Variants in LAMA1 observed in about 807,000 individuals in gnomAD.
LAMA1 encodes laminin subunit alpha-1.
Under a neutral mutation model 348.7 loss-of-function variants are expected in LAMA1, and 219 were observed. The ratio of observed to expected loss-of-function variants is 0.63; its 90% CI spans 0.56 to 0.70. The LOEUF is 0.70. LAMA1 is among the 30% of genes least tolerant of loss of function. LAMA1 has a pLI of 0.00. For synonymous variants in LAMA1, 1,487 were observed against 1,491.0 expected, an observed-to-expected ratio of 1.00 and a Z score of 0.06; for missense variants, 3,744 against 3,888.0, an observed-to-expected ratio of 0.96 and a Z score of 0.99.
intron 16 of LAMA1, among the ~76,000 whole-genome samples, chr18:7,026,909 G>A (rs1358749262): frequency 2.0e-5 from 3 of 151,872 alleles, no homozygotes; most frequent in African/African-American, 7.3e-5. Flanking sequence ...AGGCAGAATG[G>A]CGTGAACCTG....
chr18:7,055,939 G>A (rs894460190), intron 3 of LAMA1, among the ~76,000 whole-genome samples: 1 of 152,068 alleles, frequency 6.6e-6, no homozygotes, highest in African/African-American at 2.4e-5. Context: ...AATTAGCTGG[G>A]CGTGGTGGCG....
In LAMA1 at chr18:6,979,894, G is replaced by A. The variant is rs754512497; in HGVS notation, c.6007+627C>T. Among the ~76,000 whole-genome samples, 32 of 152,262 alleles carry A rather than the reference G, an allele frequency of 2.1e-4. No homozygotes were observed. The Middle Eastern group carries it at 0.014, about 65-fold the overall frequency. The stretch of plus-strand genomic sequence containing the variant: ...AGCCTGGGCGACAGAGCGAGACTCT[G>A]TCTCAAAAAATGTGTGCTGCTAGCC... On this transcript the variant is annotated intron_variant, in intron 42 of 62. Transcript: ENST00000389658.
chr18:7,040,263 C>G, intron 9 of LAMA1, 27 bp from the exon 10 acceptor site: 1 of 1,613,164 alleles, frequency 6.2e-7, no homozygotes, highest in Non-Finnish European at 8.5e-7. Context: ...GGCAATGACC[C>G]AACATGAAGG....
At position 6,983,297 on chromosome 18, in the gene LAMA1, C is replaced by T. The variant is rs2057720509; in HGVS notation, c.5661-63G>A. ...TAAATCAAACTTGCCAATTCACTCA[C>T]AAAAATCATAAATGCCTACCAGTTT... On this transcript the variant is annotated intron_variant, in intron 39 of 62. Coordinates refer to ENST00000389658, the MANE Select transcript of LAMA1 (RefSeq NM_005559.4). 3.2e-6 allele frequency: 5 copies of T among 1,571,628 alleles called. No individual in the cohort carries two copies. In the Admixed American group the frequency reaches 6.7e-5, roughly 21 times the overall value.
intron 24 of LAMA1, 96 bp downstream of exon 24, chr18:7,011,899 A>G (rs2057862063): frequency 4.8e-6 from 7 of 1,467,072 alleles, no homozygotes; most frequent in Non-Finnish European, 6.5e-6. Flanking sequence ...CATAAGAGCA[A>G]AATTTAATGT....
chr18:7,004,931 C>T (rs1363077092), intron 29 of LAMA1, among the ~76,000 whole-genome samples: 5 of 152,138 alleles, frequency 3.3e-5, no homozygotes, highest in East Asian at 3.9e-4. Flanking sequence ...TAGTCAATGC[C>T]GTGAGGCAGC....
chr18:7,019,697 T>TTTTC (rs2057906824), intron 19 of LAMA1, among the ~76,000 whole-genome samples: 1 of 139,750 alleles, frequency 7.2e-6, no homozygotes, highest in East Asian at 2.0e-4. Context: ...TTTTTTTTTT[T>TTTTC]TTGAGACAGG....
intron 3 of LAMA1, among the ~76,000 whole-genome samples, chr18:7,075,253 AG>A (rs1162413692): frequency 1.3e-5 from 2 of 152,010 alleles, no homozygotes; most frequent in Non-Finnish European, 2.9e-5. Flanking sequence ...AGCAGCCAAA[AG>A]GTTTGTTCCT....
chr18:7,010,149 T>C (rs537500837), intron 26 of LAMA1, 51 bp downstream of exon 26: 7 of 1,596,850 alleles, frequency 4.4e-6, no homozygotes, highest in South Asian at 1.1e-5. Context: ...ACTACATCCA[T>C]AGCAAAGTCA....
Position 6,985,697 on chromosome 18 carries a change from A to T in LAMA1, c.5380-54T>A, listed in dbSNP as rs141754956. ...CTTCATAAAAGCAACCCTGCTTCTGACCTTTGGTGCCTAATGCTACGTGCA... is the reference window on the plus strand; with the variant it reads ...CTTCATAAAAGCAACCCTGCTTCTGTCCTTTGGTGCCTAATGCTACGTGCA... On this transcript the variant is annotated intron_variant, in intron 37 of 62. Transcript: ENST00000389658. 1.4e-4 allele frequency: 156 copies of T among 1,097,218 alleles called. 2 individuals are homozygous for T. The East Asian group carries it at 3.6e-3, about 25-fold the overall frequency. 68.0% of individuals were successfully genotyped at this position (1,097,218 alleles called of 1,614,324 possible).
intron 48 of LAMA1, among the ~76,000 whole-genome samples, chr18:6,968,515 C>T (rs748599325): frequency 3.3e-5 from 5 of 152,142 alleles, no homozygotes; most frequent in Non-Finnish European, 5.9e-5. Context: ...TGGACATGGC[C>T]GGTACCTAGC....
Position 6,992,640 on chromosome 18 carries a change from G to C in LAMA1, c.5089C>G (p.Gln1697Glu), listed in dbSNP as rs2057763891. Residue 1697 changes from glutamine (Q) to glutamate (E), a missense_variant, in exon 36 of 63, where the codon CAG (glutamine) becomes GAG (glutamate). Coordinates refer to ENST00000389658, the MANE Select transcript of LAMA1 (RefSeq NM_005559.4). Reference sequence around the variant, plus strand: ...ATTTCTAGCAAAGATGTACCATTCTGTTGCATGTTCTGAAGAGTAGAATTG... The same window carrying C: ...ATTTCTAGCAAAGATGTACCATTCTCTTGCATGTTCTGAAGAGTAGAATTG... Reference protein sequence around the residue: ...LPNSTLQNMQQNGTSLLEIMQ... With the variant: ...LPNSTLQNMQENGTSLLEIMQ... 2 of 1,613,530 alleles carry C rather than the reference G, an allele frequency of 1.2e-6. No homozygotes were observed. The highest frequency in any genetic ancestry group is 2.7e-5 in the African/African-American group (2 of 74,928).
At position 7,026,151 on chromosome 18, in the gene LAMA1, A is replaced by G. The variant is rs114504378; in HGVS notation, c.2275-45T>C. 2,903 of 1,596,428 alleles carry G rather than the reference A, an allele frequency of 1.8e-3. 45 individuals carry two copies. In the African/African-American group the frequency reaches 0.033, roughly 18 times the overall value. On this transcript the variant is annotated intron_variant, in intron 16 of 62. Transcript: ENST00000389658. ...GAATCAGCTCAGGTTGTCTTAAAGG[A>G]TTTTCAGATTTATCTATAAGCAACT...
intron 1 of LAMA1, among the ~76,000 whole-genome samples, chr18:7,099,496 A>C (rs1042700135): frequency 2.6e-4 from 40 of 151,954 alleles, no homozygotes; most frequent in Non-Finnish European, 4.6e-4. Flanking sequence ...AAAAACAAAA[A>C]AAAAAATGAA....
At chr18:6,978,153 A>G (rs1290160546) in intron 43 of LAMA1, 43 bp downstream of exon 43, 1 of 1,607,596 alleles carries the variant, frequency 6.2e-7, no homozygotes, top group African/African-American at 1.3e-5. Context: ...CCACGTCTGC[A>G]TGACGCAGAC....
chr18:7,114,197 G>A (rs1436752351), intron 1 of LAMA1, among the ~76,000 whole-genome samples: 1 of 152,152 alleles, frequency 6.6e-6, no homozygotes, highest in Non-Finnish European at 1.5e-5. Flanking sequence ...CCAGGATGAT[G>A]AGCAAGTACA....
At chr18:7,057,663 G>A (rs1203606342) in intron 3 of LAMA1, among the ~76,000 whole-genome samples, 6 of 150,838 alleles carry the variant, frequency 4.0e-5, no homozygotes, top group African/African-American at 1.5e-4. Context: ...TTTCTTCATA[G>A]TCACGGGGTC....
intron 48 of LAMA1, among the ~76,000 whole-genome samples, chr18:6,970,372 A>AT (rs2057652592): frequency 6.6e-6 from 1 of 152,238 alleles, no homozygotes; most frequent in African/African-American, 2.4e-5. Context: ...TTTCCAGTTT[A>AT]TAAAGCATTT....
At chr18:6,966,908 C>T (rs181966609) in intron 48 of LAMA1, among the ~76,000 whole-genome samples, 187 of 152,284 alleles carry the variant, frequency 1.2e-3, no homozygotes, top group African/African-American at 4.4e-3. Flanking sequence ...TGGTCTTCTC[C>T]CCCAACAGAG....
Sources: allele counts gnomAD v4.1 joint callset (sites outside exome capture counted in the v4.1 genomes callset), GRCh38; gene constraint gnomAD v4.1.1; transcripts MANE v1.5; gene names NCBI Gene and HGNC (gene_info 2026-07-23, HGNC 2026-07-21).